The following KCNH5 variants were observed in gnomAD, a reference collection of about 807,000 sequenced individuals.
The protein encoded by KCNH5 is voltage-gated delayed rectifier potassium channel KCNH5.
KCNH5 carries 46 observed loss-of-function variants against 96.1 expected under a neutral mutation model. The ratio of observed to expected loss-of-function variants is 0.48; its 90% confidence interval spans 0.38 to 0.61. KCNH5 has a LOEUF of 0.61. KCNH5 is among the 20% of genes least tolerant of loss of function. The pLI is 0.00. For synonymous variants in KCNH5, 439 were observed against 449.8 expected (o/e 0.98, Z 0.30); for missense variants, 907 against 1,225.8 (o/e 0.74, Z 3.88).
rs114329704 is a variant in KCNH5, at chr14:63,033,686, A to C, written c.73+11428T>G. ...GTTTTATGAATATATCAAATAAAAA[A>C]TTCTGCTTCCTATTTAAAGTCATAC... On this transcript the variant is annotated intron_variant, in intron 1 of 10. Transcript: ENST00000322893. Among the ~76,000 whole-genome samples, 425 of 152,336 alleles carry C rather than the reference A, an allele frequency of 2.8e-3. 2 individuals carry two copies. Among genetic ancestry groups the C allele is most frequent in the African/African-American group, 9.8e-3 (406 of 41,572 alleles).
intron 10 of KCNH5, among the ~76,000 whole-genome samples, chr14:62,754,125 T>C (rs558445839): frequency 1.3e-5 from 2 of 152,312 alleles, no homozygotes; most frequent in East Asian, 3.9e-4. Flanking sequence ...ATAGAGTTTT[T>C]ATTAGTTCTC....
chr14:62,887,858 C>G (rs2140082368), intron 7 of KCNH5, among the ~76,000 whole-genome samples: 1 of 152,146 alleles, frequency 6.6e-6, no homozygotes, highest in African/African-American at 2.4e-5. Context: ...TCACATGAAA[C>G]TTTTGGGGCC....
chr14:62,948,074 G>A (rs1253610805), intron 7 of KCNH5, among the ~76,000 whole-genome samples: 3 of 151,618 alleles, frequency 2.0e-5, no homozygotes, highest in African/African-American at 7.3e-5. Flanking sequence ...GAGAATATGC[G>A]GTGTTTGGTT....
intron 7 of KCNH5, among the ~76,000 whole-genome samples, chr14:62,907,153 T>C (rs1889044972): frequency 6.6e-6 from 1 of 152,202 alleles, no homozygotes; most frequent in Non-Finnish European, 1.5e-5. Context: ...GCTGCTCTGA[T>C]TTTTTGTTAG....
chr14:62,947,938 T>C (rs1889923011), intron 7 of KCNH5, among the ~76,000 whole-genome samples: 1 of 152,100 alleles, frequency 6.6e-6, no homozygotes, highest in South Asian at 2.1e-4. Flanking sequence ...TAACTCGTCA[T>C]CTAGCATTAG....
intron 10 of KCNH5, among the ~76,000 whole-genome samples, chr14:62,723,055 C>A (rs1222989277): frequency 6.6e-6 from 1 of 152,140 alleles, no homozygotes; most frequent in Non-Finnish European, 1.5e-5. Context: ...TCACAGGTGG[C>A]TTTAGCTCTC....
At chr14:62,911,735 T>A (rs1206622890) in intron 7 of KCNH5, among the ~76,000 whole-genome samples, 2 of 151,366 alleles carry the variant, frequency 1.3e-5, no homozygotes, top group African/African-American at 2.4e-5. Context: ...TTTTTTTTTT[T>A]AACTCAAAAA....
intron 8 of KCNH5, among the ~76,000 whole-genome samples, chr14:62,813,121 T>C (rs1490026): frequency 0.46 from 69,700 of 152,024 alleles, 17,627 homozygotes; most frequent in South Asian, 0.71. Context: ...TTAAGGCTGT[T>C]GCCAAACTGC....
intron 10 of KCNH5, among the ~76,000 whole-genome samples, chr14:62,758,797 G>T (rs1394620771): frequency 6.6e-6 from 1 of 152,188 alleles, no homozygotes; most frequent in Non-Finnish European, 1.5e-5. Flanking sequence ...TTGTAGGTTA[G>T]TATGGAAAAA....
intron 8 of KCNH5, among the ~76,000 whole-genome samples, chr14:62,813,388 A>C (rs1310170727): frequency 1.3e-5 from 2 of 152,120 alleles, no homozygotes; most frequent in African/African-American, 4.8e-5. Flanking sequence ...AGCTATAACA[A>C]ATTTCTAATG....
chr14:63,003,583 A>AATATATATATTTATATATTTATATTT (rs1555333052), intron 3 of KCNH5, among the ~76,000 whole-genome samples: 1,865 of 121,386 alleles, frequency 0.015, 34 homozygotes, highest in Non-Finnish European at 0.024. Context: ...TTATATACAT[A>AATATATATATTTATATATTTATATTT]ATATATATAT....
chr14:62,935,997 T>C (rs564562057), intron 7 of KCNH5, among the ~76,000 whole-genome samples: 5 of 152,250 alleles, frequency 3.3e-5, no homozygotes, highest in African/African-American at 1.2e-4. Flanking sequence ...AGTAACATGA[T>C]CCAGCAAAAC....
At chr14:62,994,383 C>T (rs1890868524) in intron 4 of KCNH5, among the ~76,000 whole-genome samples, 1 of 151,976 alleles carries the variant, frequency 6.6e-6, no homozygotes, top group Admixed American at 6.6e-5. Flanking sequence ...AAATACTGTA[C>T]AGTATAAATG....
intron 1 of KCNH5, among the ~76,000 whole-genome samples, chr14:63,037,036 C>G (rs1448715451): frequency 6.6e-6 from 1 of 152,072 alleles, no homozygotes; most frequent in Non-Finnish European, 1.5e-5. Flanking sequence ...TTAAAAACAT[C>G]AACTATAGAA....
chr14:62,763,702 A>C (rs1276467311), intron 10 of KCNH5, among the ~76,000 whole-genome samples: 1 of 152,176 alleles, frequency 6.6e-6, no homozygotes, highest in Non-Finnish European at 1.5e-5. Context: ...CAAAGGAGAC[A>C]TTACCATTGA....
intron 10 of KCNH5, among the ~76,000 whole-genome samples, chr14:62,746,401 C>G (rs1045718385): frequency 6.6e-6 from 1 of 152,136 alleles, no homozygotes; most frequent in African/African-American, 2.4e-5. Flanking sequence ...ATAAAAAGAA[C>G]AATGCACAAA....
At chr14:62,961,916 GAGATGGAGATGGAGATGC>G (rs1034609896) in intron 6 of KCNH5, among the ~76,000 whole-genome samples, 4 of 151,536 alleles carry the variant, frequency 2.6e-5, no homozygotes, top group Non-Finnish European at 4.4e-5. Flanking sequence ...GATGGAGATG[GAGATGGAGATGGAGATGC>G]AGATGGAGAT....
chr14:62,731,865 T>C (rs903112999), intron 10 of KCNH5, among the ~76,000 whole-genome samples: 2 of 152,192 alleles, frequency 1.3e-5, no homozygotes, highest in African/African-American at 2.4e-5. Flanking sequence ...AAAACTCTGA[T>C]GCTAAATTAT....
intron 8 of KCNH5, among the ~76,000 whole-genome samples, chr14:62,845,294 T>C (rs574183137): frequency 1.2e-4 from 18 of 152,332 alleles, no homozygotes; most frequent in African/African-American, 4.1e-4. Flanking sequence ...AATTCTAAGA[T>C]GGTGACTGCA....
Sources: gnomAD v4.1 joint callset for allele counts (sites outside exome capture counted in the v4.1 genomes callset) on GRCh38, gnomAD v4.1.1 for gene constraint, MANE v1.5 for transcripts, NCBI Gene and HGNC (gene_info 2026-07-23, HGNC 2026-07-21) for gene names.